IL1RAPL1: variants seen among roughly 807,000 people sequenced by gnomAD.
The protein encoded by IL1RAPL1 is interleukin 1 receptor accessory protein like 1.
A neutral mutation model predicts 48.4 loss-of-function variants in IL1RAPL1; 3 were observed. That is an observed-to-expected ratio of 0.06 (90% CI 0.03 to 0.16). The LOEUF is 0.16. IL1RAPL1 is among the 10% of genes least tolerant of loss of function. The probability of loss-of-function intolerance (pLI) is 1.00; values close to 1 mark genes in which losing one functional copy is unlikely to be tolerated. For synonymous variants in IL1RAPL1, 185 were observed against 187.7 expected (o/e 0.99, Z 0.12); for missense variants, 349 against 530.6 (o/e 0.66, Z 3.36).
At chrX:29,886,893 T>C (rs1204823489) in intron 6 of IL1RAPL1, among the ~76,000 whole-genome samples, 1 of 111,848 alleles carries the variant, frequency 8.9e-6, no homozygotes, top group Non-Finnish European at 1.9e-5. Context: ...ACTAAAGCTG[T>C]TTTTATACCC....
chrX:29,346,017 T>A (rs780687086), intron 3 of IL1RAPL1, among the ~76,000 whole-genome samples: 1 of 112,138 alleles, frequency 8.9e-6, no homozygotes, highest in African/African-American at 3.2e-5. Context: ...TCCTTTTTGT[T>A]TGTTAAGGCC....
chrX:29,703,982 G>A (rs974420822), intron 6 of IL1RAPL1, among the ~76,000 whole-genome samples: 15 of 111,360 alleles, frequency 1.3e-4, no homozygotes, highest in Non-Finnish European at 2.6e-4. Flanking sequence ...GAGTGCAGTG[G>A]CATAATCATA....
At chrX:28,771,879 C>T (rs1347775408) in intron 1 of IL1RAPL1, among the ~76,000 whole-genome samples, 9 of 92,693 alleles carry the variant, frequency 9.7e-5, no homozygotes, top group South Asian at 5.3e-4. Flanking sequence ...TGCAGTGAGC[C>T]GAGATTGCGC....
chrX:29,176,661 T>C (rs1402070184), intron 2 of IL1RAPL1, among the ~76,000 whole-genome samples: 8 of 110,971 alleles, frequency 7.2e-5, no homozygotes, highest in Non-Finnish European at 1.3e-4. Flanking sequence ...CATACTTACG[T>C]CTGATGGTCA....
intron 2 of IL1RAPL1, among the ~76,000 whole-genome samples, chrX:29,111,920 C>CTTTTCTT (rs1928575847): frequency 1.3e-5 from 1 of 78,355 alleles, no homozygotes; most frequent in African/African-American, 4.2e-5. Flanking sequence ...TGTATTTTCA[C>CTTTTCTT]TTTTCTTTTT....
intron 6 of IL1RAPL1, among the ~76,000 whole-genome samples, chrX:29,685,517 T>A (rs1441654890): frequency 9.0e-6 from 1 of 110,632 alleles, no homozygotes; most frequent in Non-Finnish European, 1.9e-5. Context: ...AATAAATAAA[T>A]CATGAACTTG....
In IL1RAPL1 at chrX:29,139,044, T is replaced by G. The variant is rs1001648030; in HGVS notation, c.83-143894T>G. Among the ~76,000 whole-genome samples the G allele has an allele frequency of 1.3e-4, 14 of 111,664 alleles. No homozygotes were observed. The South Asian group carries it at 3.4e-3, about 27-fold the overall frequency. ...CAGTGTAAAGAAACTGTGGGAAAAG[T>G]GCTCTGTATTTTCCAGGTGAACCTG... On this transcript the variant is annotated intron_variant, in intron 2 of 10. Transcript: ENST00000378993.
chrX:29,177,212 C>A (rs985540502), intron 2 of IL1RAPL1, among the ~76,000 whole-genome samples: 2 of 111,705 alleles, frequency 1.8e-5, no homozygotes, highest in Non-Finnish European at 3.8e-5. Flanking sequence ...GATGATGGAG[C>A]AGGGGGGATG....
intron 1 of IL1RAPL1, among the ~76,000 whole-genome samples, chrX:28,689,836 G>T (rs1276068401): frequency 9.0e-6 from 1 of 111,064 alleles, no homozygotes; most frequent in South Asian, 3.8e-4. Flanking sequence ...GAATGTTACC[G>T]GTTACTATGG....
chrX:28,690,530 T>C (rs974102724), intron 1 of IL1RAPL1, among the ~76,000 whole-genome samples: 3 of 111,578 alleles, frequency 2.7e-5, no homozygotes, highest in Non-Finnish European at 5.6e-5. Context: ...CTGTACTGCC[T>C]ATTTACATCT....
chrX:28,974,859 T>C (rs1925167023), intron 2 of IL1RAPL1, among the ~76,000 whole-genome samples: 1 of 112,048 alleles, frequency 8.9e-6, no homozygotes, highest in South Asian at 3.7e-4. Context: ...TAATGTAATA[T>C]AGTTACAGTG....
intron 2 of IL1RAPL1, among the ~76,000 whole-genome samples, chrX:28,973,544 G>A (rs973568400): frequency 1.8e-5 from 2 of 111,833 alleles, no homozygotes; most frequent in Non-Finnish European, 3.8e-5. Context: ...GCCTTAGGTA[G>A]GATAGATATG....
chrX:28,994,576 T>G (rs962323655), intron 2 of IL1RAPL1, among the ~76,000 whole-genome samples: 15 of 111,571 alleles, frequency 1.3e-4, no homozygotes, highest in African/African-American at 4.9e-4. Context: ...TACCTCTGAA[T>G]AGCAAATGTT....
intron 3 of IL1RAPL1, among the ~76,000 whole-genome samples, chrX:29,350,061 T>G (rs1474715412): frequency 9.5e-6 from 1 of 105,437 alleles, no homozygotes; most frequent in Non-Finnish European, 1.9e-5. Context: ...TCCTTTATTC[T>G]TTTATAGGCT....
rs754291200 is a variant in IL1RAPL1 at position 29,396,305 on chromosome X, A to T, written c.410A>T (p.Glu137Val). The change falls in exon 4 of 11, where the codon GAA (glutamate) becomes GTA (valine). Residue 137 changes from glutamate (E) to valine (V), a missense_variant. Glu to Val is a moderately radical substitution (Grantham distance 121, BLOSUM62 -2). This residue lies in a region of IL1RAPL1 where 238 missense variants were observed against 337.8 expected (regional missense o/e 0.70). Coordinates refer to ENST00000378993, the MANE Select transcript of IL1RAPL1 (RefSeq NM_014271.4). ...GTATCCATCTCACTGACAGTGGGTG[A>T]AAATGACACTGGACTCTGCTATAAT... ...MKVSISLTVG[E>V]NDTGLCYNSK... 1.7e-6 allele frequency: 2 copies of T among 1,207,137 alleles called. No homozygotes were observed.
At chrX:29,132,206 G>A (rs1929036278) in intron 2 of IL1RAPL1, among the ~76,000 whole-genome samples, 1 of 111,105 alleles carries the variant, frequency 9.0e-6, no homozygotes, top group Non-Finnish European at 1.9e-5. Flanking sequence ...AAACATCTTA[G>A]TCCCAAAGAT....
intron 6 of IL1RAPL1, among the ~76,000 whole-genome samples, chrX:29,833,992 A>G (rs1327739405): frequency 1.8e-5 from 2 of 112,244 alleles, no homozygotes; most frequent in African/African-American, 6.5e-5. Flanking sequence ...AGCTTGTCCT[A>G]TGAATATCCT....
chrX:29,586,482 A>T (rs1357376631), intron 5 of IL1RAPL1, among the ~76,000 whole-genome samples: 3 of 110,234 alleles, frequency 2.7e-5, no homozygotes, highest in African/African-American at 9.9e-5. Flanking sequence ...GAAGTGTGAA[A>T]CCTCTAACAT....
chrX:29,783,147 G>A (rs1033887013), intron 6 of IL1RAPL1, among the ~76,000 whole-genome samples: 1 of 109,371 alleles, frequency 9.1e-6, no homozygotes, highest in South Asian at 3.9e-4. Flanking sequence ...CTCGTGATCC[G>A]CCCGCCTCGG....
Sources: gnomAD v4.1 joint callset for allele counts (sites outside exome capture counted in the v4.1 genomes callset) on GRCh38, gnomAD v4.1.1 for gene constraint, gnomAD v4.1.1 regional missense constraint, MANE v1.5 for transcripts, NCBI Gene and HGNC (gene_info 2026-07-23, HGNC 2026-07-21) for gene names.